Variants in CDC5L observed in about 807,000 individuals in gnomAD.
The protein encoded by CDC5L is cell division cycle 5 like, also known as cell division cycle 5-like protein.
In CDC5L, 18 loss-of-function variants were observed where a neutral mutation model predicts 104.1. That is an observed-to-expected ratio of 0.17 (90% CI 0.12 to 0.26). The LOEUF is 0.26. CDC5L is among the 10% of genes least tolerant of loss of function. The pLI is 1.00. For synonymous variants in CDC5L, 331 were observed against 322.7 expected (o/e 1.03, Z -0.28); for missense variants, 673 against 956.9 (o/e 0.70, Z 3.91).
At chr6:44,423,920 CT>C (rs1792302736) in intron 10 of CDC5L, among the ~76,000 whole-genome samples, 1 of 152,072 alleles carries the variant, frequency 6.6e-6, no homozygotes, top group Non-Finnish European at 1.5e-5. Context: ...TCAAAGTGGT[CT>C]TTTTTTCTGC....
chr6:44,393,517 T>C lies in CDC5L; in HGVS notation c.383T>C (p.Ile128Thr). 1.2e-6 allele frequency: 2 copies of C among 1,613,948 alleles called. No homozygotes were observed. The highest frequency in any genetic ancestry group is 1.7e-6 in the Non-Finnish European group (2 of 1,179,934). Residue 128 changes from isoleucine to threonine, a missense_variant, in exon 4 of 16, where the codon ATA becomes ACA. By Grantham distance (89) the Ile-to-Thr change is moderately conservative. Coordinates refer to ENST00000371477, the MANE Select transcript of CDC5L (RefSeq NM_001253.4). Reference sequence around the variant, plus strand: ...CCACGAAAACTTAAACCTGGAGAAATAGATCCAAATCCAGAAACAAAACCA... The same window carrying C: ...CCACGAAAACTTAAACCTGGAGAAACAGATCCAAATCCAGAAACAAAACCA... Reference protein sequence around the residue: ...DDPRKLKPGEIDPNPETKPAR... With the variant: ...DDPRKLKPGETDPNPETKPAR...
chr6:44,393,043 A>G (rs1790688665), intron 3 of CDC5L, among the ~76,000 whole-genome samples: 1 of 152,202 alleles, frequency 6.6e-6, no homozygotes, highest in Admixed American at 6.5e-5. Flanking sequence ...AAAGAATTAT[A>G]CAAGTCATGC....
chr6:44,440,729 A>G lies in CDC5L; in HGVS notation c.2092-4926A>G, dbSNP rs947232454. ...AATCCTTTTTTTTTTTTTTTTTGCT[A>G]TGGAGTCTTGCTGTGTTGTCCAGGC... On this transcript the variant is annotated intron_variant, in intron 14 of 15. Transcript: ENST00000371477. Among the ~76,000 whole-genome samples the G allele has an allele frequency of 9.8e-4, 93 of 94,682 alleles. 2 individuals carry two copies. Among genetic ancestry groups the G allele is most frequent in the Non-Finnish European group, 2.2e-4 (11 of 49,294 alleles). 62.1% of individuals were successfully genotyped at this position (94,682 alleles called of 152,430 possible).
At chr6:44,400,024 A>G (rs1791047406) in intron 5 of CDC5L, among the ~76,000 whole-genome samples, 3 of 151,856 alleles carry the variant, frequency 2.0e-5, no homozygotes, top group Admixed American at 1.3e-4. Flanking sequence ...GTTAGCTGAT[A>G]AGCTTTGTGC....
chr6:44,442,061 C>T (rs148575532), intron 14 of CDC5L, among the ~76,000 whole-genome samples: 1,534 of 151,612 alleles, frequency 0.01, 12 homozygotes, highest in Middle Eastern at 0.031. Flanking sequence ...CTCAGCCTCC[C>T]GAGTAGCTGG....
chr6:44,426,254 T>C, intron 12 of CDC5L, 71 bp downstream of exon 12: 3 of 1,113,088 alleles, frequency 2.7e-6, no homozygotes, highest in East Asian at 2.5e-5. Context: ...TTTACATCAT[T>C]CATAAAGACT....
intron 11 of CDC5L, among the ~76,000 whole-genome samples, chr6:44,425,249 G>A (rs1370190149): frequency 6.6e-6 from 1 of 152,082 alleles, no homozygotes; most frequent in Non-Finnish European, 1.5e-5. Flanking sequence ...TTTGAGTGCC[G>A]ACATGAAGCT....
At chr6:44,434,869 T>C (rs1792854666) in intron 14 of CDC5L, among the ~76,000 whole-genome samples, 3 of 152,184 alleles carry the variant, frequency 2.0e-5, no homozygotes, top group African/African-American at 7.2e-5. Context: ...CTGATTCATC[T>C]CCTGGGGACC....
intron 6 of CDC5L, among the ~76,000 whole-genome samples, chr6:44,405,994 C>T (rs1300285307): frequency 3.3e-5 from 5 of 151,868 alleles, no homozygotes; most frequent in East Asian, 1.9e-4. Flanking sequence ...CTCTGTCTCC[C>T]GGGCTCTAAT....
At chr6:44,409,916 G>A (rs1047936204) in intron 8 of CDC5L, among the ~76,000 whole-genome samples, 1 of 151,864 alleles carries the variant, frequency 6.6e-6, no homozygotes, top group Non-Finnish European at 1.5e-5. Context: ...AGGGTTCATA[G>A]GAGGTAGAAT....
intron 8 of CDC5L, among the ~76,000 whole-genome samples, chr6:44,412,399 T>A (rs1472918606): frequency 6.6e-6 from 1 of 151,676 alleles, no homozygotes; most frequent in Non-Finnish European, 1.5e-5. Context: ...ACAGTTTTTT[T>A]ACTTTTAGTA....
At chr6:44,414,587 G>A (rs553491654) in intron 8 of CDC5L, among the ~76,000 whole-genome samples, 6 of 151,540 alleles carry the variant, frequency 4.0e-5, no homozygotes, top group African/African-American at 7.3e-5. Flanking sequence ...TCTCCCACCC[G>A]AGTCTCCCAA....
In CDC5L at chr6:44,390,318, T is replaced by A. The variant is rs766552263; in HGVS notation, c.96T>A (p.Ser32=). The A allele has an allele frequency of 5.0e-6, 8 of 1,613,518 alleles. No individual in the cohort carries two copies. Among genetic ancestry groups the A allele is most frequent in the Non-Finnish European group, 6.8e-6 (8 of 1,179,712 alleles). ...TGAAATATGGGAAAAATCAGTGGTC[T>A]AGGATTGCCTCATTGCTGCATAGAA... ...AVMKYGKNQW[S]RIASLLHRKS... The change falls in exon 2 of 16, where the codon TCT becomes TCA. Residue 32 remains serine (S), a synonymous_variant. Coordinates refer to ENST00000371477, the MANE Select transcript of CDC5L (RefSeq NM_001253.4).
intron 8 of CDC5L, among the ~76,000 whole-genome samples, chr6:44,409,442 CTG>C (rs1791532251): frequency 6.6e-6 from 1 of 152,156 alleles, no homozygotes; most frequent in Non-Finnish European, 1.5e-5. Flanking sequence ...TCTTATGACT[CTG>C]TAAATCCTAT....
chr6:44,422,361 G>T (rs573101100), intron 9 of CDC5L, among the ~76,000 whole-genome samples: 5 of 152,324 alleles, frequency 3.3e-5, no homozygotes, highest in African/African-American at 1.2e-4. Flanking sequence ...TCGCCCTAAT[G>T]TGCCAAGAAA....
At chr6:44,392,891 C>T in intron 3 of CDC5L, 63 bp downstream of exon 3, 1 of 1,434,782 alleles carries the variant, frequency 7.0e-7, no homozygotes, top group Non-Finnish European at 9.6e-7. Context: ...GCTGAATAAA[C>T]TTTGAGTATT....
At chr6:44,407,211 G>A (rs1164228864) in intron 7 of CDC5L, among the ~76,000 whole-genome samples, 1 of 152,122 alleles carries the variant, frequency 6.6e-6, no homozygotes, top group African/African-American at 2.4e-5. Context: ...CAACAGTTGT[G>A]AAAGTCAATG....
At chr6:44,424,243 C>T (rs1792318145) in intron 10 of CDC5L, among the ~76,000 whole-genome samples, 176 bp from the exon 11 acceptor site, 1 of 152,024 alleles carries the variant, frequency 6.6e-6, no homozygotes, top group African/African-American at 2.4e-5. Flanking sequence ...GGTATTCATC[C>T]CCTCAAGCAT....
intron 13 of CDC5L, among the ~76,000 whole-genome samples, chr6:44,427,986 G>C (rs1422580069): frequency 6.6e-6 from 1 of 152,118 alleles, no homozygotes; most frequent in Non-Finnish European, 1.5e-5. Context: ...AAACAAAGTA[G>C]CTTAAATATT....
Sources: gnomAD v4.1 joint callset for allele counts (sites outside exome capture counted in the v4.1 genomes callset) on GRCh38, gnomAD v4.1.1 for gene constraint, MANE v1.5 for transcripts, NCBI Gene and HGNC (gene_info 2026-07-23, HGNC 2026-07-21) for gene names.